The following FGGY variants were observed in gnomAD, a reference collection of about 807,000 sequenced individuals.
FGGY encodes FGGY carbohydrate kinase domain-containing protein.
A neutral mutation model predicts 71.3 loss-of-function variants in FGGY; 72 were observed. The ratio of observed to expected loss-of-function variants is 1.01; its 90% CI spans 0.84 to 1.23. The LOEUF (loss-of-function observed/expected upper bound fraction) is 1.23. Among genes scored for constraint, FGGY ranks in the 50% most tolerant of loss-of-function variants. The pLI is 0.00. For missense variants in FGGY, 668 were observed against 682.3 expected, an observed-to-expected ratio of 0.98 and a Z score of 0.23; for synonymous variants, 251 against 250.3, an observed-to-expected ratio of 1.00 and a Z score of -0.02.
At chr1:59,572,372 G>A (rs1041766837) in intron 8 of FGGY, among the ~76,000 whole-genome samples, 40 of 152,118 alleles carry the variant, frequency 2.6e-4, no homozygotes, top group African/African-American at 9.4e-4. Flanking sequence ...GCTTTGGTGT[G>A]GGGCAAGAGA....
chr1:59,647,342 TG>T (rs1385880099), intron 11 of FGGY, among the ~76,000 whole-genome samples: 1 of 152,182 alleles, frequency 6.6e-6, no homozygotes, highest in Non-Finnish European at 1.5e-5. Context: ...GAAGGGCCTT[TG>T]GGTAAACAGC....
chr1:59,462,113 T>C (rs1224862412), intron 6 of FGGY, among the ~76,000 whole-genome samples: 1 of 152,070 alleles, frequency 6.6e-6, no homozygotes, highest in African/African-American at 2.4e-5. Flanking sequence ...TACAGAGATA[T>C]AGATCAATGG....
At chr1:59,721,398 G>A (rs1353169690) in intron 14 of FGGY, among the ~76,000 whole-genome samples, 1 of 131,608 alleles carries the variant, frequency 7.6e-6, no homozygotes, top group African/African-American at 2.9e-5. Context: ...GATTGCAGTG[G>A]CACAGTCTTG....
At chr1:59,574,069 G>A in intron 8 of FGGY, among the ~76,000 whole-genome samples, 1 of 152,118 alleles carries the variant, frequency 6.6e-6, no homozygotes, top group African/African-American at 2.4e-5. Context: ...GGCTGCTATT[G>A]TAGCAAGTTG....
chr1:59,729,307 A>G (rs2097994145), intron 14 of FGGY, among the ~76,000 whole-genome samples: 1 of 152,116 alleles, frequency 6.6e-6, no homozygotes, highest in African/African-American at 2.4e-5. Flanking sequence ...TAGAACACTT[A>G]TTAATCATAG....
intron 9 of FGGY, among the ~76,000 whole-genome samples, chr1:59,625,683 C>T (rs1558590560): frequency 6.6e-6 from 1 of 151,066 alleles, no homozygotes; most frequent in Admixed American, 6.6e-5. Context: ...CATAAGTTAC[C>T]CTTCCTTCTC....
intron 14 of FGGY, among the ~76,000 whole-genome samples, chr1:59,693,170 A>T (rs2097609257): frequency 6.6e-6 from 1 of 152,272 alleles, no homozygotes; most frequent in South Asian, 2.1e-4. Flanking sequence ...AGTAATTCAC[A>T]AATACAAAAT....
intron 11 of FGGY, among the ~76,000 whole-genome samples, chr1:59,658,917 G>A (rs983715573): frequency 6.6e-6 from 1 of 152,170 alleles, no homozygotes; most frequent in East Asian, 1.9e-4. Context: ...GGAAGACAGG[G>A]GAGGTCAAGA....
chr1:59,691,864 T>C (rs2097592079), intron 14 of FGGY, among the ~76,000 whole-genome samples: 1 of 152,312 alleles, frequency 6.6e-6, no homozygotes. Flanking sequence ...CCTCACTTAC[T>C]TTATTTTTGT....
intron 12 of FGGY, among the ~76,000 whole-genome samples, chr1:59,662,355 C>T (rs2097284678): frequency 6.6e-6 from 1 of 151,442 alleles, no homozygotes; most frequent in Admixed American, 6.6e-5. Context: ...TTTATATGTG[C>T]CAAGCACTGT....
chr1:59,708,408 G>A (rs1389907485), intron 14 of FGGY, among the ~76,000 whole-genome samples: 1 of 152,164 alleles, frequency 6.6e-6, no homozygotes, highest in Non-Finnish European at 1.5e-5. Flanking sequence ...TTTGAACAAT[G>A]AAAGGGACCC....
intron 5 of FGGY, among the ~76,000 whole-genome samples, chr1:59,400,219 C>T (rs939596281): frequency 6.6e-6 from 1 of 152,184 alleles, no homozygotes; most frequent in Non-Finnish European, 1.5e-5. Flanking sequence ...GCCACTGCCC[C>T]ATTTCTCTCC....
At position 59,355,369 on chromosome 1, in the gene FGGY, A is replaced by G. The variant is rs369373290; in HGVS notation, c.465+8971A>G. On this transcript the variant is annotated intron_variant, in intron 4 of 15. Transcript: ENST00000303721. The stretch of plus-strand genomic sequence containing the variant: ...TGTTTAAAGAAACTATCAGTATGGA[A>G]AAAAAGACTGGCCATATACACACAA... Among the ~76,000 whole-genome samples the G allele has an allele frequency of 9.8e-5, 15 of 152,360 alleles. 1 individual carries two copies. Among genetic ancestry groups the G allele is most frequent in the Admixed American group, 3.9e-4 (6 of 15,304 alleles).
intron 14 of FGGY, among the ~76,000 whole-genome samples, chr1:59,693,271 C>T (rs2097611146): frequency 2.0e-5 from 3 of 152,222 alleles, no homozygotes; most frequent in Non-Finnish European, 4.4e-5. Flanking sequence ...CATCTGAACG[C>T]ATCACTTACA....
At chr1:59,450,265 G>T (rs2072386992) in intron 5 of FGGY, among the ~76,000 whole-genome samples, 1 of 152,020 alleles carries the variant, frequency 6.6e-6, no homozygotes, top group South Asian at 2.1e-4. Context: ...TAATTTTGAT[G>T]CCTCATTATA....
intron 11 of FGGY, among the ~76,000 whole-genome samples, chr1:59,638,687 T>C (rs899691802): frequency 6.6e-6 from 1 of 152,216 alleles, no homozygotes; most frequent in Non-Finnish European, 1.5e-5. Flanking sequence ...AAAGTCAAAT[T>C]TTCCAGCTGC....
At chr1:59,629,244 G>A (rs2096886791) in intron 10 of FGGY, among the ~76,000 whole-genome samples, 1 of 148,446 alleles carries the variant, frequency 6.7e-6, no homozygotes, top group Non-Finnish European at 1.5e-5. Context: ...ATAAATAAAT[G>A]ATTGTTGTAG....
chr1:59,694,426 A>T (rs1312105085), intron 14 of FGGY, among the ~76,000 whole-genome samples: 2 of 152,176 alleles, frequency 1.3e-5, no homozygotes, highest in East Asian at 3.8e-4. Context: ...CACATGTCTT[A>T]TCAGTTTTCT....
At chr1:59,703,354 A>G (rs114965083) in intron 14 of FGGY, among the ~76,000 whole-genome samples, 215 of 152,264 alleles carry the variant, frequency 1.4e-3, no homozygotes, top group African/African-American at 5.0e-3. Context: ...CCCCACCACA[A>G]TCCATTGCAA....
Sources: gnomAD v4.1 joint callset for allele counts (sites outside exome capture counted in the v4.1 genomes callset) on GRCh38, gnomAD v4.1.1 for gene constraint, MANE v1.5 for transcripts, NCBI Gene and HGNC (gene_info 2026-07-23, HGNC 2026-07-21) for gene names.